HNF4G: variants seen among roughly 807,000 people sequenced by gnomAD.
HNF4G encodes the protein hepatocyte nuclear factor 4 gamma.
HNF4G carries 21 observed loss-of-function variants against 50.9 expected under a neutral mutation model. The observed-to-expected ratio is 0.41, with a 90% CI of 0.29 to 0.59. The LOEUF (loss-of-function observed/expected upper bound fraction) is 0.59. Ranked by LOEUF, HNF4G falls within the 20% of genes least tolerant of loss-of-function variation. The probability of loss-of-function intolerance (pLI) is 0.26; values close to 1 mark genes in which losing one functional copy is unlikely to be tolerated. For synonymous variants in HNF4G, 198 were observed against 185.6 expected, an observed-to-expected ratio of 1.07 and a Z score of -0.54; for missense variants, 527 against 559.4, an observed-to-expected ratio of 0.94 and a Z score of 0.58.
At chr8:75,528,359 C>T (rs1806237309) in intron 2 of HNF4G, among the ~76,000 whole-genome samples, 1 of 152,162 alleles carries the variant, frequency 6.6e-6, no homozygotes, top group Non-Finnish European at 1.5e-5. Context: ...TTGCTGTTTG[C>T]AGCCTTAAAC....
chr8:75,546,678 T>A (rs2130793721), intron 2 of HNF4G, among the ~76,000 whole-genome samples: 1 of 152,282 alleles, frequency 6.6e-6, no homozygotes, highest in East Asian at 1.9e-4. Flanking sequence ...GGTTTATCCC[T>A]GTTATAGCAT....
chr8:75,450,669 T>C (rs1196558913), intron 1 of HNF4G, among the ~76,000 whole-genome samples: 1 of 152,204 alleles, frequency 6.6e-6, no homozygotes, highest in Non-Finnish European at 1.5e-5. Flanking sequence ...GTGGTTTTAA[T>C]TTGCATTTCC....
intron 1 of HNF4G, among the ~76,000 whole-genome samples, chr8:75,420,081 A>G (rs1810742106): frequency 6.6e-6 from 1 of 152,066 alleles, no homozygotes; most frequent in African/African-American, 2.4e-5. Context: ...AAAAACTCCC[A>G]ATTTTTTGCT....
At chr8:75,429,124 C>T (rs1034711510) in intron 1 of HNF4G, among the ~76,000 whole-genome samples, 1 of 152,102 alleles carries the variant, frequency 6.6e-6, no homozygotes, top group South Asian at 2.1e-4. Flanking sequence ...AAGTTTCTAG[C>T]TTGCCTAAAT....
intron 1 of HNF4G, among the ~76,000 whole-genome samples, chr8:75,415,231 T>C (rs535383020): frequency 6.6e-6 from 1 of 152,282 alleles, no homozygotes; most frequent in South Asian, 2.1e-4. Flanking sequence ...TGTTTGTTTT[T>C]TTTCATTATC....
intron 1 of HNF4G, among the ~76,000 whole-genome samples, chr8:75,542,986 C>T (rs1330454832): frequency 6.6e-6 from 1 of 152,020 alleles, no homozygotes; most frequent in Non-Finnish European, 1.5e-5. Context: ...GTGGGCAGAC[C>T]GCCTGAGGTC....
chr8:75,430,598 A>G (rs1490042757), intron 1 of HNF4G, among the ~76,000 whole-genome samples: 2 of 152,078 alleles, frequency 1.3e-5, no homozygotes, highest in Non-Finnish European at 2.9e-5. Context: ...CCAGAAGAAA[A>G]TTCATAACTT....
At chr8:75,415,781 G>C (rs1218839551) in intron 1 of HNF4G, among the ~76,000 whole-genome samples, 1 of 151,940 alleles carries the variant, frequency 6.6e-6, no homozygotes, top group Non-Finnish European at 1.5e-5. Context: ...GTGTGTGTTG[G>C]GGGGTGGGGG....
At chr8:75,515,563 G>A (rs1244205294) in intron 2 of HNF4G, among the ~76,000 whole-genome samples, 1 of 152,176 alleles carries the variant, frequency 6.6e-6, no homozygotes, top group Non-Finnish European at 1.5e-5. Context: ...AACTGTGAAG[G>A]GGAGGGAGAG....
In HNF4G at chr8:75,466,624, CCTTCCTTCCTTCTCCCTTCCCTTCCCT is replaced by C. The variant is rs1243469914; in HGVS notation, c.-143-23464_-143-23438del. Among the ~76,000 whole-genome samples, 50 of 91,382 alleles carry C rather than the reference CCTTCCTTCCTTCTCCCTTCCCTTCCCT, an allele frequency of 5.5e-4. 1 individual carries two copies. The highest frequency in any genetic ancestry group is 1.3e-3 in the East Asian group (5 of 3,824). 60.0% of individuals were successfully genotyped at this position (91,382 alleles called of 152,430 possible). Reference sequence around the variant, plus strand: ...TCCTTCCTTCCTTCCTTCCTTCCTTCCTTCCTTCCTTCTCCCTTCCCTTCCCTTCCCTTCCCTTCCCTTCCCTTCCCT... The same window carrying C: ...TCCTTCCTTCCTTCCTTCCTTCCTTCTCCCTTCCCTTCCCTTCCCTTCCCT... On this transcript the variant is annotated intron_variant, in intron 1 of 10. Coordinates refer to the HNF4G transcript ENST00000354370.
intron 1 of HNF4G, among the ~76,000 whole-genome samples, chr8:75,481,254 A>C (rs1228406748): frequency 6.6e-6 from 1 of 152,158 alleles, no homozygotes; most frequent in Non-Finnish European, 1.5e-5. Context: ...TGAGCCATTT[A>C]TGTTTTTCCT....
chr8:75,540,805 TA>T (rs1325266459), intron 1 of HNF4G, among the ~76,000 whole-genome samples: 4 of 151,614 alleles, frequency 2.6e-5, no homozygotes, highest in Non-Finnish European at 5.9e-5. Flanking sequence ...TTATAACTGT[TA>T]GAACTCCTAA....
intron 5 of HNF4G, 34 bp downstream of exon 5, chr8:75,553,231 A>C (rs1256895532): frequency 6.4e-7 from 1 of 1,558,908 alleles, no homozygotes; most frequent in African/African-American, 1.4e-5. Context: ...TGCTTTAAAA[A>C]TGCTTCTTGA....
chr8:75,492,848 G>C (rs1812666824), intron 2 of HNF4G, among the ~76,000 whole-genome samples: 1 of 152,124 alleles, frequency 6.6e-6, no homozygotes, highest in African/African-American at 2.4e-5. Context: ...CTGAGAAAAA[G>C]TGAAAGAAAA....
chr8:75,471,996 G>A (rs909969009), intron 1 of HNF4G, among the ~76,000 whole-genome samples: 6 of 152,142 alleles, frequency 3.9e-5, no homozygotes, highest in African/African-American at 1.2e-4. Context: ...TGTGAAATGG[G>A]TATAACAATA....
chr8:75,437,203 A>G (rs1008336072), intron 1 of HNF4G, among the ~76,000 whole-genome samples: 2 of 152,222 alleles, frequency 1.3e-5, no homozygotes, highest in Non-Finnish European at 1.5e-5. Flanking sequence ...AAAGAAAACC[A>G]AAAGAAAAGT....
chr8:75,535,049 A>G (rs1028658263), upstream of HNF4G, among the ~76,000 whole-genome samples: 1 of 151,836 alleles, frequency 6.6e-6, no homozygotes, highest in African/African-American at 2.4e-5. Context: ...AAACTGAACA[A>G]CAAAGGAAAG....
Position 75,564,223 on chromosome 8 carries a change from T to A in HNF4G, c.*127T>A. 1.1e-6 allele frequency: 1 copy of A among 898,118 alleles called. No homozygotes were observed. Among genetic ancestry groups the A allele is most frequent in the Non-Finnish European group, 1.7e-6 (1 of 593,274 alleles). 55.6% of individuals were successfully genotyped at this position (898,118 alleles called of 1,614,324 possible). On this transcript the variant is annotated 3_prime_UTR_variant, in exon 10 of 10. Transcript: ENST00000396423. The stretch of plus-strand genomic sequence containing the variant: ...TCATTGGTGCTGTTATAAGATGGTG[T>A]CCTATTTTCTTGTTTATACGTTCAT...
At chr8:75,552,579 C>T (rs1324759023) in intron 4 of HNF4G, among the ~76,000 whole-genome samples, 2 of 152,052 alleles carry the variant, frequency 1.3e-5, no homozygotes, top group Non-Finnish European at 2.9e-5. Flanking sequence ...ATAGTTCTTG[C>T]TTCTTGTCTC....
Sources: gnomAD v4.1 joint callset for allele counts (sites outside exome capture counted in the v4.1 genomes callset) on GRCh38, gnomAD v4.1.1 for gene constraint, MANE v1.5 for transcripts, NCBI Gene and HGNC (gene_info 2026-07-23, HGNC 2026-07-21) for gene names.